Variants in ITGAE observed in about 807,000 individuals in gnomAD.
The protein encoded by ITGAE is integrin subunit alpha E, also known as integrin alpha-E.
In ITGAE, 99 loss-of-function variants were observed where a neutral mutation model predicts 136.5. That is an observed-to-expected ratio of 0.73 (90% CI 0.62 to 0.86). The LOEUF (loss-of-function observed/expected upper bound fraction) is 0.86. Among genes scored for constraint, ITGAE ranks in the 40% least tolerant of loss-of-function variants. The probability of loss-of-function intolerance (pLI) is 0.00; values close to 1 mark genes in which losing one functional copy is unlikely to be tolerated. For missense variants in ITGAE, 1,447 were observed against 1,515.3 expected (o/e 0.95, Z 0.75); for synonymous variants, 613 against 591.8 (o/e 1.04, Z -0.52).
At chr17:3,759,303 T>C (rs2052107514) in intron 8 of ITGAE, 99 bp downstream of exon 8, 2 of 1,385,242 alleles carry the variant, frequency 1.4e-6, no homozygotes, top group Non-Finnish European at 2.0e-6. Flanking sequence ...GGAGCCCTAA[T>C]TCTCTTCTCC....
At chr17:3,759,642 C>T in intron 7 of ITGAE, 89 bp from the exon 8 acceptor site, 1 of 1,464,986 alleles carries the variant, frequency 6.8e-7, no homozygotes. Flanking sequence ...CAGAAAAATC[C>T]ACTCCTTCTA....
At position 3,747,959 on chromosome 17, in the gene ITGAE, A is replaced by C; in HGVS notation, c.2118T>G (p.Cys706Trp). The change falls in exon 17 of 31, where the codon TGT becomes TGG. Residue 706 changes from cysteine to tryptophan, a missense_variant. By Grantham distance (215) the Cys-to-Trp change is radical. Transcript: ENST00000263087. ...CTGTGGTTACAGAGCTGATTTCAAA[A>C]CATAAACGGACATTCACGACGCCGT... The part of the protein sequence containing the change: ...GFNGVVNVRL[C>W]FEISSVTTAS... 1 of 1,609,460 alleles carries C rather than the reference A, an allele frequency of 6.2e-7. No individual in the cohort carries two copies. The highest frequency in any genetic ancestry group is 1.1e-5 in the South Asian group (1 of 91,018).
rs1248177386 is a variant in ITGAE at position 3,798,806 on chromosome 17, AG to A, written c.34+2304del. ...AGTTGATGTGACTGCAGAATGAGTCAGGGGTGAAGACTGACTTGGGGACAGC... is the reference window on the plus strand; with the variant it reads ...AGTTGATGTGACTGCAGAATGAGTCAGGGTGAAGACTGACTTGGGGACAGC... On this transcript the variant is annotated intron_variant, in intron 1 of 30. Coordinates refer to ENST00000263087, the MANE Select transcript of ITGAE (RefSeq NM_002208.5). This position sits in a 1 kb window ranked among gnomAD's most constrained non-coding sequence, Gnocchi z 4.3. Among the ~76,000 whole-genome samples the A allele has an allele frequency of 1.6e-4, 24 of 152,356 alleles. No homozygotes were observed. Among genetic ancestry groups the A allele is most frequent in the African/African-American group, 5.8e-4 (24 of 41,588 alleles).
chr17:3,796,341 C>A (rs2053103354), intron 1 of ITGAE, among the ~76,000 whole-genome samples: 1 of 152,118 alleles, frequency 6.6e-6, no homozygotes, highest in Admixed American at 6.6e-5. Flanking sequence ...CAGGAAACCA[C>A]CTCCTGTTGC....
In ITGAE at chr17:3,714,893, C is replaced by T. The variant is rs1254231471; in HGVS notation, c.3494G>A (p.Arg1165Lys). 1.2e-6 allele frequency: 2 copies of T among 1,611,756 alleles called. No homozygotes were observed. The change falls in exon 31 of 31, where the codon AGG becomes AAG. Residue 1165 changes from arginine to lysine, a missense_variant. Transcript: ENST00000263087. The part of the protein sequence containing the change: ...KYQQLNLESI[R>K]KAQLKSENLL... ...ATTCTCTGATTTCAGCTGGGCCTTC[C>T]TGATGCTCTCCAAGTTCAGTTGTTG...
Position 3,729,957 on chromosome 17 carries a change from C to T in ITGAE, c.2835-402G>A, listed in dbSNP as rs192229685. ...GGTTTGTTACATAGGTGAACGTGTG[C>T]CATGGTGCTTTGCTGCAGCTGTCAA... On this transcript the variant is annotated intron_variant, in intron 23 of 30. Transcript: ENST00000263087. Among the ~76,000 whole-genome samples the T allele has an allele frequency of 2.6e-5, 4 of 152,238 alleles. No individual in the cohort carries two copies. The East Asian group carries it at 7.7e-4, about 29-fold the overall frequency.
At position 3,772,773 on chromosome 17, in the gene ITGAE, C is replaced by T. The variant is rs570762278; in HGVS notation, c.155+4767G>A. Among the ~76,000 whole-genome samples, 5 of 152,224 alleles carry T rather than the reference C, an allele frequency of 3.3e-5. No homozygotes were observed. The South Asian group carries it at 8.3e-4, about 25-fold the overall frequency. On this transcript the variant is annotated intron_variant, in intron 2 of 30. Coordinates refer to ENST00000263087, the MANE Select transcript of ITGAE (RefSeq NM_002208.5). ...GCCACCGCGCCTGGCAGTGACCAGA[C>T]TTTTGACTGCACCGATGAAACCAGG...
chr17:3,753,472 C>A (rs1423557578), intron 13 of ITGAE, 42 bp from the exon 14 acceptor site: 1 of 1,601,752 alleles, frequency 6.2e-7, no homozygotes, highest in East Asian at 2.2e-5. Context: ...AGCCCCGCTC[C>A]TGCACCCCTC....
At chr17:3,750,992 G>A (rs1299584048) in intron 15 of ITGAE, among the ~76,000 whole-genome samples, 1 of 151,918 alleles carries the variant, frequency 6.6e-6, no homozygotes, top group Non-Finnish European at 1.5e-5. Flanking sequence ...AGGGGCTGGA[G>A]TTGGGAGACA....
At chr17:3,738,967 CAGCAA>C (rs1194730803) in intron 20 of ITGAE, 1 of 152,342 alleles carries the variant, frequency 6.6e-6, no homozygotes, top group African/African-American at 2.4e-5. Context: ...TCCCAGCTCA[CAGCAA>C]AAGCCCTTCT....
Position 3,751,784 on chromosome 17 carries a change from G to C in ITGAE, c.1759C>G (p.Leu587Val), listed in dbSNP as rs1411317615. The change falls in exon 15 of 31, where the codon CTC becomes GTC. Residue 587 changes from leucine to valine, a missense_variant. By Grantham distance (32) the Leu-to-Val change is conservative. Around this residue, in one of 3 missense-constraint regions of ITGAE, gnomAD observed 1,031 missense variants for 1,011.4 expected, o/e 1.02. Coordinates refer to ENST00000263087, the MANE Select transcript of ITGAE (RefSeq NM_002208.5). ...ACATCTGTGAGCTTATCCTGACTGA[G>C]ATCCCCCATAGCCGCCATGGCAAAG... ...FGFAMAAMGD[L>V]SQDKLTDVAI... 1 of 1,614,006 alleles carries C rather than the reference G, an allele frequency of 6.2e-7. No individual in the cohort carries two copies. The highest frequency in any genetic ancestry group is 1.3e-5 in the African/African-American group (1 of 74,906).
At position 3,733,497 on chromosome 17, in the gene ITGAE, C is replaced by T. The variant is rs553226873; in HGVS notation, c.2656-1031G>A. Among the ~76,000 whole-genome samples, 25 of 152,290 alleles carry T rather than the reference C, an allele frequency of 1.6e-4. No homozygotes were observed. The South Asian group carries it at 5.2e-3, about 32-fold the overall frequency. Reference sequence around the variant, plus strand: ...AGTGCAGTGGCGCAATCTCAGCTCACTCCAATCTCCACCTCCGGGTTCAAG... The same window carrying T: ...AGTGCAGTGGCGCAATCTCAGCTCATTCCAATCTCCACCTCCGGGTTCAAG... On this transcript the variant is annotated intron_variant, in intron 21 of 30. Coordinates refer to ENST00000263087, the MANE Select transcript of ITGAE (RefSeq NM_002208.5).
At position 3,723,740 on chromosome 17, in the gene ITGAE, GA is replaced by G. The variant is rs1383446842; in HGVS notation, c.3088del (p.Ser1030ProfsTer26). ...AVKKLTRTQA[S>X]TVCTWSQERA... ...CTCCTGACTCCAGGTGCACACCGTG[GA>G]GGCCTGAAACGAGAGCCATGACCGC... On this transcript the variant is annotated frameshift_variant, in exon 27 of 31. Transcript: ENST00000263087. LOFTEE classifies it high-confidence loss of function. The G allele has an allele frequency of 6.2e-7, 1 of 1,607,290 alleles. No individual in the cohort carries two copies. Among genetic ancestry groups the G allele is most frequent in the African/African-American group, 1.3e-5 (1 of 74,836 alleles).
chr17:3,725,273 C>T (rs779743715), intron 26 of ITGAE: 27 of 1,614,088 alleles, frequency 1.7e-5, no homozygotes, highest in Non-Finnish European at 2.3e-5. Flanking sequence ...TGCTAAGCCC[C>T]TTAAACACTC....
rs569409983 is a variant in ITGAE at position 3,723,316 on chromosome 17, G to A, written c.3209C>T (p.Ala1070Val). ...ASDKENVTVA[A>V]EISWDHSEEL... Reference sequence around the variant, plus strand: ...CTCAGAGTGATCCCAGGAGATCTCTGCAGCCACGGTGACATTTTCTTTATC... The same window carrying A: ...CTCAGAGTGATCCCAGGAGATCTCTACAGCCACGGTGACATTTTCTTTATC... Residue 1070 changes from alanine to valine, a missense_variant, in exon 28 of 31, where the codon GCA (alanine) becomes GTA (valine). By Grantham distance (64) the Ala-to-Val change is moderately conservative (BLOSUM62 0). Transcript: ENST00000263087. 1.1e-5 allele frequency: 18 copies of A among 1,613,178 alleles called. No individual in the cohort carries two copies. In the South Asian group the frequency reaches 2.0e-4, roughly 18 times the overall value.
In ITGAE at chr17:3,796,121, C is replaced by CATCCGTG. The variant is rs1567565676; in HGVS notation, c.34+4989_34+4990insCACGGAT. Reference sequence around the variant, plus strand: ...TGTGTGTGCATCCCTGTGTGCATCCCTGTGTGTGCATCCATGTGTGTGCAT... The same window carrying CATCCGTG: ...TGTGTGTGCATCCCTGTGTGCATCCCATCCGTGTGTGTGTGCATCCATGTGTGTGCAT... On this transcript the variant is annotated intron_variant, in intron 1 of 30. Coordinates refer to ENST00000263087, the MANE Select transcript of ITGAE (RefSeq NM_002208.5). 1.4e-4 allele frequency among the ~76,000 whole-genome samples: 19 copies of CATCCGTG among 131,622 alleles called. 1 individual carries two copies. The highest frequency in any genetic ancestry group is 1.0e-3 in the South Asian group (4 of 4,004). The allele number at this position is 131,622 out of a possible 152,430, so 86.3% of individuals were successfully genotyped here. A position where few individuals can be genotyped will look rare whatever the true frequency, so the allele number is the denominator to read the frequency against.
intron 2 of ITGAE, among the ~76,000 whole-genome samples, chr17:3,769,054 C>T (rs1445674770): frequency 6.6e-6 from 1 of 152,134 alleles, no homozygotes; most frequent in Non-Finnish European, 1.5e-5. Flanking sequence ...TCCCCAGCCC[C>T]GACCTCAGCC....
chr17:3,723,382 T>A lies in ITGAE; in HGVS notation c.3143A>T (p.His1048Leu). Residue 1048 changes from histidine to leucine, a missense_variant and splice_region_variant, in exon 28 of 31, where the codon CAT (histidine) becomes CTT (leucine). His to Leu is a moderately conservative substitution (Grantham distance 99). This residue lies in a region of ITGAE where 1,031 missense variants were observed against 1,011.4 expected (regional missense o/e 1.02). Transcript: ENST00000263087. ...GCTCACTGAATGCCATTCTTCCACATGCTGGAAAAGCGAGGTCTAGTGAAC... is the reference window on the plus strand; with the variant it reads ...GCTCACTGAATGCCATTCTTCCACAAGCTGGAAAAGCGAGGTCTAGTGAAC... ...ERACAYSSVQ[H>L]VEEWHSVSCV... 1 of 1,610,812 alleles carries A rather than the reference T, an allele frequency of 6.2e-7. No individual in the cohort carries two copies. Among genetic ancestry groups the A allele is most frequent in the Non-Finnish European group, 8.5e-7 (1 of 1,176,988 alleles).
chr17:3,785,082 G>A (rs897457453), intron 1 of ITGAE, among the ~76,000 whole-genome samples: 9 of 152,154 alleles, frequency 5.9e-5, no homozygotes, highest in Admixed American at 2.0e-4. Context: ...AGCCCAGGAG[G>A]TGGAGGTTGC....
Sources: allele counts gnomAD v4.1 joint callset (sites outside exome capture counted in the v4.1 genomes callset), GRCh38; gene constraint gnomAD v4.1.1; regional missense constraint gnomAD v4.1.1; non-coding constraint Gnocchi (gnomAD v3.1); transcripts MANE v1.5; gene names NCBI Gene and HGNC (gene_info 2026-07-23, HGNC 2026-07-21).